PCDHGA2: variants seen among roughly 807,000 people sequenced by gnomAD.
PCDHGA2 encodes the protein protocadherin gamma subfamily A, 2.
In PCDHGA2, 40 loss-of-function variants were observed where a neutral mutation model predicts 59.2. That is an observed-to-expected ratio of 0.68 (90% CI 0.52 to 0.88). PCDHGA2 has a LOEUF of 0.88. Among genes scored for constraint, PCDHGA2 ranks in the 40% least tolerant of loss-of-function variants. PCDHGA2 has a pLI of 0.00. For synonymous variants in PCDHGA2, 560 were observed against 526.0 expected (o/e 1.06, Z -0.89); for missense variants, 1,226 against 1,204.0 (o/e 1.02, Z -0.27).
At chr5:141,414,452 T>G in intron 1 of PCDHGA2, 1 of 1,613,886 alleles carries the variant, frequency 6.2e-7, no homozygotes, top group Non-Finnish European at 8.5e-7. Context: ...AATATCACAG[T>G]GACAGCCACA....
intron 1 of PCDHGA2, chr5:141,418,730 G>A (rs371887408): frequency 6.2e-6 from 10 of 1,613,832 alleles, no homozygotes; most frequent in African/African-American, 1.3e-5. Context: ...AGCTCAGCAC[G>A]TGTTCTCTCT....
chr5:141,375,791 G>C (rs374657173), intron 1 of PCDHGA2: 1 of 1,614,232 alleles, frequency 6.2e-7, no homozygotes, highest in Non-Finnish European at 8.5e-7. Flanking sequence ...CCTCCCCACA[G>C]ACGGTTCCAC....
chr5:141,485,674 T>C lies in PCDHGA2; in HGVS notation c.2425-9133T>C. 1 of 1,612,986 alleles carries C rather than the reference T, an allele frequency of 6.2e-7. No homozygotes were observed. Among genetic ancestry groups the C allele is most frequent in the South Asian group, 1.1e-5 (1 of 91,072 alleles). Reference sequence around the variant, plus strand: ...ATGCAGATGTGGGGAGCAATTCGATTAGCAGCTATAGGCTGAGCTCCAATG... The same window carrying C: ...ATGCAGATGTGGGGAGCAATTCGATCAGCAGCTATAGGCTGAGCTCCAATG... On this transcript the variant is annotated intron_variant, in intron 1 of 3. Transcript: ENST00000394576. This position sits in a 1 kb window ranked among gnomAD's most constrained non-coding sequence, Gnocchi z 5.7.
At chr5:141,372,202 G>T (rs765463778) in intron 1 of PCDHGA2, 2 of 1,613,574 alleles carry the variant, frequency 1.2e-6, no homozygotes, top group South Asian at 2.2e-5. Flanking sequence ...TACAACGCCT[G>T]GCTGTCCTAC....
In PCDHGA2 at chr5:141,345,887, G is replaced by C. The variant is rs749950943; in HGVS notation, c.2424+4492G>C. 2.9e-5 allele frequency: 47 copies of C among 1,613,292 alleles called. No individual in the cohort carries two copies. In the South Asian group the frequency reaches 4.9e-4, roughly 17 times the overall value. ...AGGCCAGCGAGCCGGGACTCTTCTC[G>C]GTGGGTCTGCACACGGGCGAGGTGC... On this transcript the variant is annotated intron_variant, in intron 1 of 3. Transcript: ENST00000394576.
In PCDHGA2 at chr5:141,340,159, G is replaced by T. The variant is rs766521551; in HGVS notation, c.1188G>T (p.Lys396Asn). The T allele has an allele frequency of 1.2e-6, 2 of 1,614,186 alleles. No individual in the cohort carries two copies. Among genetic ancestry groups the T allele is most frequent in the African/African-American group, 1.3e-5 (1 of 75,046 alleles). ...AGGATCTTCCTTTTAAGTTAGAAAA[G>T]TCAGTAGACAATTACTACCGACTGG... ...LPEDLPFKLEKSVDNYYRLVT... is the reference protein window; with the variant it reads ...LPEDLPFKLENSVDNYYRLVT... Residue 396 changes from lysine to asparagine, a missense_variant, in exon 1 of 4, where the codon AAG becomes AAT. Physicochemically the swap from Lys to Asn is moderately conservative, Grantham distance 94. Transcript: ENST00000394576.
At chr5:141,350,705 T>A in intron 1 of PCDHGA2, 1 of 1,613,940 alleles carries the variant, frequency 6.2e-7, no homozygotes, top group Non-Finnish European at 8.5e-7. Flanking sequence ...CGGGGTAAAA[T>A]TCTCTCTGGA....
At position 141,486,182 on chromosome 5, in the gene PCDHGA2, C is replaced by G. The variant is rs1288782056; in HGVS notation, c.2425-8625C>G. On this transcript the variant is annotated intron_variant, in intron 1 of 3. Transcript: ENST00000394576. This position sits in a 1 kb window ranked among gnomAD's most constrained non-coding sequence, Gnocchi z 5.0. ...AGCCATGGAGCAACATTGCAGCCTT[C>G]GAGTGGATCTGCTGGACGTAAATGA... 1 of 1,614,198 alleles carries G rather than the reference C, an allele frequency of 6.2e-7. No individual in the cohort carries two copies. Among genetic ancestry groups the G allele is most frequent in the Non-Finnish European group, 8.5e-7 (1 of 1,180,028 alleles).
chr5:141,352,170 G>A (rs1446316732), intron 1 of PCDHGA2: 4 of 1,613,280 alleles, frequency 2.5e-6, no homozygotes, highest in Non-Finnish European at 2.5e-6. Flanking sequence ...GCCCGCCAGC[G>A]CCTGCTGGTC....
intron 1 of PCDHGA2, chr5:141,412,044 A>T (rs1403784619): frequency 6.6e-6 from 1 of 152,194 alleles, no homozygotes; most frequent in East Asian, 1.9e-4. Context: ...AAAGAAGTGA[A>T]CTTCTATACC....
chr5:141,394,912 T>C (rs1205097386), intron 1 of PCDHGA2: 11 of 1,613,694 alleles, frequency 6.8e-6, no homozygotes, highest in Non-Finnish European at 9.3e-6. Context: ...GTGGCTGCCA[T>C]CTCCTGTGTC....
chr5:141,495,384 C>A (rs2099760896), intron 2 of PCDHGA2, among the ~76,000 whole-genome samples: 1 of 152,190 alleles, frequency 6.6e-6, no homozygotes, highest in African/African-American at 2.4e-5. Flanking sequence ...AAGGACTGGG[C>A]GGGGCATGGA....
chr5:141,414,443 A>G (rs1413718059), intron 1 of PCDHGA2: 1 of 1,613,892 alleles, frequency 6.2e-7, no homozygotes, highest in Non-Finnish European at 8.5e-7. Flanking sequence ...TCCTCTTACA[A>G]TATCACAGTG....
intron 1 of PCDHGA2, chr5:141,393,894 C>T (rs201697840): frequency 6.2e-7 from 1 of 1,614,000 alleles, no homozygotes. Flanking sequence ...AGAAAATTCT[C>T]TTCCCGGGAC....
intron 1 of PCDHGA2, among the ~76,000 whole-genome samples, chr5:141,457,254 A>G (rs2098914828): frequency 6.6e-6 from 1 of 152,222 alleles, no homozygotes; most frequent in Admixed American, 6.5e-5. Flanking sequence ...TTGCCAACAT[A>G]TAGAATTCCC....
At chr5:141,474,156 A>T (rs1387216017) in intron 1 of PCDHGA2, among the ~76,000 whole-genome samples, 1 of 152,244 alleles carries the variant, frequency 6.6e-6, no homozygotes, top group Non-Finnish European at 1.5e-5. Context: ...CAAGAAAATG[A>T]CAGGCCTTAT....
In PCDHGA2 at chr5:141,476,501, A is replaced by G; in HGVS notation, c.2425-18306A>G. 1.2e-6 allele frequency: 2 copies of G among 1,614,026 alleles called. No homozygotes were observed. Among genetic ancestry groups the G allele is most frequent in the Non-Finnish European group, 1.7e-6 (2 of 1,180,006 alleles). On this transcript the variant is annotated intron_variant, in intron 1 of 3. Coordinates refer to ENST00000394576, the MANE Select transcript of PCDHGA2 (RefSeq NM_018915.4). The surrounding 1 kb of genome is among the most constrained non-coding windows in gnomAD (Gnocchi z 7.6). ...CGTGGAAGTGGTGATCCAGGACATCAACGACAACAATCCTGCTTTCCCTAC... is the reference window on the plus strand; with the variant it reads ...CGTGGAAGTGGTGATCCAGGACATCGACGACAACAATCCTGCTTTCCCTAC...
intron 1 of PCDHGA2, chr5:141,365,863 C>T (rs2149883393): frequency 8.1e-6 from 13 of 1,614,038 alleles, no homozygotes; most frequent in South Asian, 1.1e-5. Context: ...ACTCTGACAC[C>T]GGTGTCCTGT....
rs747655305 is a variant in PCDHGA2 at position 141,351,506 on chromosome 5, G to A, written c.2424+10111G>A. On this transcript the variant is annotated intron_variant, in intron 1 of 3. Coordinates refer to ENST00000394576, the MANE Select transcript of PCDHGA2 (RefSeq NM_018915.4). ...CCGGGAGCAGACAGCAGACTACAACGTCACAATCATAGCCACCGACAAGGG... is the reference window on the plus strand; with the variant it reads ...CCGGGAGCAGACAGCAGACTACAACATCACAATCATAGCCACCGACAAGGG... 58 of 1,613,874 alleles carry A rather than the reference G, an allele frequency of 3.6e-5. No homozygotes were observed. Among genetic ancestry groups the A allele is most frequent in the Middle Eastern group, 1.6e-4 (1 of 6,084 alleles).
Sources: allele counts gnomAD v4.1 joint callset (sites outside exome capture counted in the v4.1 genomes callset), GRCh38; gene constraint gnomAD v4.1.1; non-coding constraint Gnocchi (gnomAD v3.1); transcripts MANE v1.5; gene names NCBI Gene and HGNC (gene_info 2026-07-23, HGNC 2026-07-21).